Variants in DIDO1 observed in about 807,000 individuals in gnomAD.
The protein encoded by DIDO1 is death inducer-obliterator 1.
DIDO1 carries 16 observed loss-of-function variants against 99.4 expected under a neutral mutation model. The observed-to-expected ratio is 0.16, with a 90% CI of 0.11 to 0.24. The LOEUF (loss-of-function observed/expected upper bound fraction) is 0.24, where lower values mean the gene tolerates loss of function less well. Among genes scored for constraint, DIDO1 ranks in the 10% least tolerant of loss-of-function variants. The pLI, the probability that DIDO1 is intolerant of heterozygous loss-of-function variation, is 1.00. For synonymous variants in DIDO1, 1,366 were observed against 1,239.1 expected, an observed-to-expected ratio of 1.10 and a Z score of -2.15; for missense variants, 2,996 against 3,014.0, an observed-to-expected ratio of 0.99 and a Z score of 0.14.
At chr20:62,928,384 G>A (rs2065287841), upstream of DIDO1, among the ~76,000 whole-genome samples, 1 of 152,174 alleles carries the variant, frequency 6.6e-6, no homozygotes, top group African/African-American at 2.4e-5. Context: ...CAAGTCCAGA[G>A]GATACTGGAA....
At position 62,879,972 on chromosome 20, in the gene DIDO1, G is replaced by C. The variant is rs1334257813; in HGVS notation, c.5984C>G (p.Ser1995Cys). Residue 1995 changes from serine to cysteine, a missense_variant, in exon 16 of 16, where the codon TCC becomes TGC. Ser to Cys is a moderately radical substitution (Grantham distance 112, BLOSUM62 -1). Transcript: ENST00000395343. This position sits in a 1 kb window ranked among gnomAD's most constrained non-coding sequence, Gnocchi z 6.3. ...CTCATTTTTTTCAGAAAAGGGTGCGGACCCCCGTAGTCCACCAAACTGCAG... is the reference window on the plus strand; with the variant it reads ...CTCATTTTTTTCAGAAAAGGGTGCGCACCCCCGTAGTCCACCAAACTGCAG... ...APLQFGGLRG[S>C]APFSEKNEQT... is the part of the protein sequence containing the mutation. The C allele has an allele frequency of 6.2e-7, 1 of 1,610,124 alleles. No homozygotes were observed. The highest frequency in any genetic ancestry group is 8.5e-7 in the Non-Finnish European group (1 of 1,179,372).
At chr20:62,886,469 G>A (rs1476697209) in intron 15 of DIDO1, among the ~76,000 whole-genome samples, 1 of 152,166 alleles carries the variant, frequency 6.6e-6, no homozygotes, top group African/African-American at 2.4e-5. Context: ...AAGATAAAAG[G>A]GTGTATTCGA....
intron 6 of DIDO1, chr20:62,905,525 G>C (rs1446413054): frequency 2.1e-5 from 33 of 1,550,718 alleles, no homozygotes; most frequent in Non-Finnish European, 2.8e-5. Context: ...TGTGCAGACA[G>C]GGGTGGATGT....
intron 1 of DIDO1, among the ~76,000 whole-genome samples, chr20:62,923,808 GCAAAA>G (rs2065201895): frequency 6.6e-6 from 1 of 152,134 alleles, no homozygotes; most frequent in Non-Finnish European, 1.5e-5. Flanking sequence ...ATCAGCATAC[GCAAAA>G]CAAAACCACG....
rs1225735194 is a variant in DIDO1 at position 62,907,154 on chromosome 20, C to A, written c.1367G>T (p.Gly456Val). ...TGGTCCTGGTCCACTCACCTGAGCA[C>A]CGCATTTCGGAAGACTGGGCTTCTC... ...KPEKPSLPKCGAQAGIKISSV... is the reference protein window; with the variant it reads ...KPEKPSLPKCVAQAGIKISSV... The change falls in exon 5 of 16, where the codon GGT becomes GTT. Residue 456 changes from glycine to valine, a missense_variant. This residue lies in a region of DIDO1 where 898 missense variants were observed against 972.7 expected (regional missense o/e 0.92). Coordinates refer to ENST00000395343, the MANE Select transcript of DIDO1 (RefSeq NM_001193369.2). 1.2e-6 allele frequency: 2 copies of A among 1,614,248 alleles called. No individual in the cohort carries two copies. Among genetic ancestry groups the A allele is most frequent in the Non-Finnish European group, 1.7e-6 (2 of 1,180,044 alleles).
chr20:62,882,818 G>A (rs1332046862), intron 15 of DIDO1, among the ~76,000 whole-genome samples: 8 of 152,074 alleles, frequency 5.3e-5, no homozygotes, highest in Non-Finnish European at 1.0e-4. Flanking sequence ...GTGTGAGCCT[G>A]CAGGGTGAAA....
intron 14 of DIDO1, 82 bp from the exon 15 acceptor site, chr20:62,891,237 G>C: frequency 6.3e-7 from 1 of 1,586,058 alleles, no homozygotes; most frequent in Non-Finnish European, 8.6e-7. Context: ...GCTTTCAACA[G>C]GAAACCTTGT....
chr20:62,909,332 C>A (rs909723178), intron 4 of DIDO1, among the ~76,000 whole-genome samples: 7 of 152,238 alleles, frequency 4.6e-5, no homozygotes, highest in Non-Finnish European at 1.0e-4. Context: ...CCACTCTCAA[C>A]ACAAGCACCC....
chr20:62,891,413 T>C (rs1420874744), intron 14 of DIDO1, among the ~76,000 whole-genome samples: 1 of 152,142 alleles, frequency 6.6e-6, no homozygotes, highest in Non-Finnish European at 1.5e-5. Context: ...TGGCTGTCTG[T>C]GCCCCTCCCT....
chr20:62,895,050 G>T lies in DIDO1; in HGVS notation c.2330C>A (p.Ser777Tyr), dbSNP rs1194665198. The T allele has an allele frequency of 1.9e-6, 3 of 1,605,260 alleles. No homozygotes were observed. The highest frequency in any genetic ancestry group is 2.6e-6 in the Non-Finnish European group (3 of 1,172,336). The part of the protein sequence containing the change: ...LSTWKERPAR[S>Y]VMESRTKLHN... ...CCGCAGGTACCCCTCAGCACTCACA[G>T]ATCTCGCTGGCCTCTCTTTCCACGT... The change falls in exon 9 of 16, where the codon TCT becomes TAT. Residue 777 changes from serine (S) to tyrosine (Y), a missense_variant and splice_region_variant. Transcript: ENST00000395343.
At chr20:62,926,357 C>G (rs928041119) in intron 1 of DIDO1, 82 bp downstream of exon 1, 1 of 151,992 alleles carries the variant, frequency 6.6e-6, no homozygotes. Flanking sequence ...GGCTCCGATG[C>G]CGGCCCCGCC....
intron 1 of DIDO1, among the ~76,000 whole-genome samples, chr20:62,921,852 A>G (rs2065142908): frequency 6.6e-6 from 1 of 150,782 alleles, no homozygotes; most frequent in South Asian, 2.1e-4. Context: ...TATCCACTAC[A>G]TATACCCGCT....
intron 15 of DIDO1, chr20:62,888,530 C>G (rs937906773): frequency 2.0e-6 from 2 of 985,444 alleles, no homozygotes; most frequent in African/African-American, 3.5e-5. Flanking sequence ...CCCCTGACCA[C>G]AGCTCTGTGG....
chr20:62,927,349 AG>A (rs546506187), upstream of DIDO1, among the ~76,000 whole-genome samples: 579 of 152,368 alleles, frequency 3.8e-3, 3 homozygotes, highest in Middle Eastern at 6.8e-3. Context: ...GAGGTATGGT[AG>A]ATGTCAACCT....
In DIDO1 at chr20:62,909,761, T is replaced by G; in HGVS notation, c.1099A>C (p.Lys367Gln). 6.2e-7 allele frequency: 1 copy of G among 1,614,250 alleles called. No individual in the cohort carries two copies. The highest frequency in any genetic ancestry group is 1.1e-5 in the South Asian group (1 of 91,088). ...EQKSSEDQGI[K>Q]GRIEKAANPS... ...TTTGCAGCTTTCTCAATTCTACCCT[T>G]TATCCCTTGGTCTTCGCTAGACTTC... The change falls in exon 4 of 16, where the codon AAG becomes CAG. Residue 367 changes from lysine to glutamine, a missense_variant. By Grantham distance (53) the Lys-to-Gln change is moderately conservative. Around this residue, in one of 5 missense-constraint regions of DIDO1, gnomAD observed 898 missense variants for 972.7 expected, o/e 0.92. Coordinates refer to ENST00000395343, the MANE Select transcript of DIDO1 (RefSeq NM_001193369.2).
intron 1 of DIDO1, among the ~76,000 whole-genome samples, chr20:62,922,619 C>T (rs937604785): frequency 6.6e-6 from 1 of 152,264 alleles, no homozygotes; most frequent in Non-Finnish European, 1.5e-5. Flanking sequence ...GGGACGGTAA[C>T]GACCTCACAG....
intron 15 of DIDO1, among the ~76,000 whole-genome samples, chr20:62,885,539 G>A (rs1010177116): frequency 6.6e-6 from 1 of 152,214 alleles, no homozygotes; most frequent in African/African-American, 2.4e-5. Context: ...ACCGTCTGGA[G>A]ATTGGCATCA....
chr20:62,890,078 G>C (rs2064366982), intron 15 of DIDO1: 1 of 985,858 alleles, frequency 1.0e-6, no homozygotes, highest in Non-Finnish European at 1.2e-6. Flanking sequence ...GCTATGGCAG[G>C]AACACCCGCC....
Position 62,893,932 on chromosome 20 carries a change from G to C in DIDO1, c.2835C>G (p.Asp945Glu). 1.9e-6 allele frequency: 3 copies of C among 1,612,250 alleles called. No individual in the cohort carries two copies. The highest frequency in any genetic ancestry group is 2.5e-6 in the Non-Finnish European group (3 of 1,178,526). ...CACAGGAGGCTGGGCAGGGGGACAG[G>C]TCTTCCAGCGGGGAGGGCTCGGGAT... ...DGHPEPSPLE[D>E]LSPCPASCGS... The change falls in exon 12 of 16, where the codon GAC (aspartate) becomes GAG (glutamate). Residue 945 changes from aspartate to glutamate, a missense_variant. Physicochemically the swap from Asp to Glu is conservative, Grantham distance 45. Around this residue, in one of 5 missense-constraint regions of DIDO1, gnomAD observed 898 missense variants for 972.7 expected, o/e 0.92. Transcript: ENST00000395343.
Sources: gnomAD v4.1 joint callset for allele counts (sites outside exome capture counted in the v4.1 genomes callset) on GRCh38, gnomAD v4.1.1 for gene constraint, gnomAD v4.1.1 regional missense constraint, Gnocchi (gnomAD v3.1) non-coding constraint, MANE v1.5 for transcripts, NCBI Gene and HGNC (gene_info 2026-07-23, HGNC 2026-07-21) for gene names.